ATP2A2: variants seen among roughly 807,000 people sequenced by gnomAD.
The protein encoded by ATP2A2 is sarcoplasmic/endoplasmic reticulum calcium ATPase 2.
ATP2A2 carries 14 observed loss-of-function variants against 109.3 expected under a neutral mutation model. The ratio of observed to expected loss-of-function variants is 0.13; its 90% CI spans 0.08 to 0.20. The LOEUF is 0.20. ATP2A2 is among the 10% of genes least tolerant of loss of function. The probability of loss-of-function intolerance (pLI) is 1.00; values close to 1 mark genes in which losing one functional copy is unlikely to be tolerated. For missense variants in ATP2A2, 657 were observed against 1,321.6 expected (o/e 0.50, Z 7.80); for synonymous variants, 506 against 490.9 (o/e 1.03, Z -0.41).
chr12:110,296,460 T>C (rs1413388574), intron 4 of ATP2A2, 139 bp from the exon 5 acceptor site: 5 of 1,095,192 alleles, frequency 4.6e-6, no homozygotes, highest in Non-Finnish European at 6.9e-6. Context: ...TTGCCTTAGA[T>C]GTGAATTGTT....
At position 110,348,956 on chromosome 12, in the gene ATP2A2, A is replaced by G; in HGVS notation, c.*2486A>G. On this transcript the variant is annotated 3_prime_UTR_variant, in exon 20 of 20. Coordinates refer to ENST00000539276, the MANE Select transcript of ATP2A2 (RefSeq NM_170665.4). ...AACAAAACTCAGCTTTTCCTGACTC[A>G]GTTCCTTGACTTAGTGGCCTTTACA... 1 of 985,452 alleles carries G rather than the reference A, an allele frequency of 1.0e-6. No individual in the cohort carries two copies. Among genetic ancestry groups the G allele is most frequent in the African/African-American group, 1.7e-5 (1 of 57,368 alleles). 61.0% of individuals were successfully genotyped at this position (985,452 alleles called of 1,614,324 possible).
chr12:110,334,335 A>G, intron 11 of ATP2A2, 192 bp downstream of exon 11: 1 of 742,830 alleles, frequency 1.3e-6, no homozygotes, highest in South Asian at 1.7e-5. Flanking sequence ...AATAAAAGCA[A>G]TCAATAGCTA....
intron 5 of ATP2A2, among the ~76,000 whole-genome samples, chr12:110,299,104 G>C (rs1000611115): frequency 6.6e-6 from 1 of 151,926 alleles, no homozygotes; most frequent in Admixed American, 6.6e-5. Flanking sequence ...TGAATAACTG[G>C]GATCACAGGC....
chr12:110,297,954 A>ATAGTC (rs1407175141), intron 5 of ATP2A2, among the ~76,000 whole-genome samples: 5 of 152,104 alleles, frequency 3.3e-5, no homozygotes, highest in Non-Finnish European at 7.4e-5. Flanking sequence ...ACCAACCAGG[A>ATAGTC]TAGTCTAGGT....
At chr12:110,292,171 T>C in intron 4 of ATP2A2, 47 bp downstream of exon 4, 1 of 1,279,708 alleles carries the variant, frequency 7.8e-7, no homozygotes, top group Non-Finnish European at 1.1e-6. Flanking sequence ...GTTATGTAAG[T>C]GATTAGGGCT....
chr12:110,333,292 C>T lies in ATP2A2; in HGVS notation c.1287+9C>T. ...CTTTGGATTACAATGAGGTAAGTCT[C>T]TTCATAAATTAGAAGGAATGGCTGT... On this transcript the variant is annotated intron_variant, in intron 10 of 19. Coordinates refer to ENST00000539276, the MANE Select transcript of ATP2A2 (RefSeq NM_170665.4). 2.5e-6 allele frequency: 4 copies of T among 1,598,698 alleles called. No individual in the cohort carries two copies. The highest frequency in any genetic ancestry group is 1.7e-4 in the Middle Eastern group (1 of 6,028).
At position 110,346,889 on chromosome 12, in the gene ATP2A2, C is replaced by G; in HGVS notation, c.*419C>G. On this transcript the variant is annotated 3_prime_UTR_variant, in exon 20 of 20. Transcript: ENST00000539276. The stretch of plus-strand genomic sequence containing the variant: ...TGTATTGTGTCTTTTGCATGATGAT[C>G]CGGATTTAATTTGATATCACAGTCT... 9.2e-7 allele frequency: 1 copy of G among 1,088,806 alleles called. No homozygotes were observed. Among genetic ancestry groups the G allele is most frequent in the Non-Finnish European group, 1.1e-6 (1 of 893,292 alleles). 67.4% of individuals were successfully genotyped at this position (1,088,806 alleles called of 1,614,324 possible). A position where few individuals can be genotyped will look rare whatever the true frequency, so the allele number is the denominator to read the frequency against.
chr12:110,326,531 A>G (rs144121819), intron 7 of ATP2A2, 56 bp downstream of exon 7: 4 of 1,478,062 alleles, frequency 2.7e-6, no homozygotes, highest in South Asian at 2.4e-5. Context: ...GCCTAATCAA[A>G]TGTTATGTTT....
intron 5 of ATP2A2, among the ~76,000 whole-genome samples, chr12:110,311,559 G>A (rs1269621403): frequency 2.4e-5 from 3 of 122,714 alleles, no homozygotes; most frequent in Non-Finnish European, 4.7e-5. Context: ...TCGCGCCACT[G>A]CACTCCAGCC....
At chr12:110,285,764 TC>T (rs1223562637) in intron 3 of ATP2A2, among the ~76,000 whole-genome samples, 6 of 152,282 alleles carry the variant, frequency 3.9e-5, no homozygotes, top group African/African-American at 1.4e-4. Flanking sequence ...TTCTCTACCT[TC>T]CACCGTCGTT....
rs1880193836 is a variant in ATP2A2 at position 110,349,424 on chromosome 12, CCTCT to C, written c.*2957_*2960del. 3 of 985,418 alleles carry C rather than the reference CCTCT, an allele frequency of 3.0e-6. No individual in the cohort carries two copies. The highest frequency in any genetic ancestry group is 1.7e-5 in the African/African-American group (1 of 57,250). The allele number at this position is 985,418 out of a possible 1,614,324, so 61.0% of individuals were successfully genotyped here. ...TGTTGCCACCCCGTGCCTCCCTTGG[CCTCT>C]CTGAGCTTTGCCCAGAAGACCAACA... On this transcript the variant is annotated 3_prime_UTR_variant, in exon 20 of 20. Transcript: ENST00000539276.
intron 5 of ATP2A2, among the ~76,000 whole-genome samples, chr12:110,310,424 C>G (rs1376917252): frequency 1.3e-5 from 2 of 152,212 alleles, no homozygotes; most frequent in Non-Finnish European, 2.9e-5. Flanking sequence ...CCATTCCCAG[C>G]TAGAAGTCTT....
intron 5 of ATP2A2, among the ~76,000 whole-genome samples, chr12:110,307,405 A>G (rs1875480036): frequency 6.6e-6 from 1 of 150,874 alleles, no homozygotes; most frequent in Middle Eastern, 3.2e-3. Context: ...CTCATTTTTA[A>G]ATTTTTTCGT....
chr12:110,342,585 CAG>C lies in ATP2A2; in HGVS notation c.2318+139_2318+140del. 1 of 1,039,164 alleles carries C rather than the reference CAG, an allele frequency of 9.6e-7. No homozygotes were observed. Among genetic ancestry groups the C allele is most frequent in the Admixed American group, 2.0e-5 (1 of 50,238 alleles). 64.4% of individuals were successfully genotyped at this position (1,039,164 alleles called of 1,614,324 possible). A position where few individuals can be genotyped will look rare whatever the true frequency, so the allele number is the denominator to read the frequency against. Reference sequence around the variant, plus strand: ...AGTTGGAAGAGGGGAGTGGGCAAGACAGAAATGCCTTATGGAAGCAGTGGTGC... The same window carrying C: ...AGTTGGAAGAGGGGAGTGGGCAAGACAAATGCCTTATGGAAGCAGTGGTGC... On this transcript the variant is annotated intron_variant, in intron 15 of 19. Transcript: ENST00000539276. This position sits in a 1 kb window ranked among gnomAD's most constrained non-coding sequence, Gnocchi z 4.6.
intron 8 of ATP2A2, chr12:110,330,914 T>G (rs1191487246): frequency 1.3e-5 from 2 of 152,214 alleles, no homozygotes; most frequent in Admixed American, 1.3e-4. Context: ...TGAATGTCTT[T>G]TAGAATATTT....
chr12:110,295,313 C>A (rs185660878), intron 4 of ATP2A2, among the ~76,000 whole-genome samples: 62 of 152,274 alleles, frequency 4.1e-4, no homozygotes, highest in African/African-American at 1.2e-3. Context: ...AGGTGTATGG[C>A]ACCATGTCAG....
At chr12:110,306,538 C>T (rs1592817584) in intron 5 of ATP2A2, among the ~76,000 whole-genome samples, 1 of 151,968 alleles carries the variant, frequency 6.6e-6, no homozygotes, top group East Asian at 1.9e-4. Flanking sequence ...TTGGAGTGCC[C>T]AGTGTTTATT....
rs1364248596 is a variant in ATP2A2, at chr12:110,343,272, A to G, written c.2359A>G (p.Ile787Val). ...TAALGFPEAL[I>V]PVQLLWVNLV... ...AGCCCTTGGATTTCCCGAGGCTTTG[A>G]TTCCTGTTCAGCTGCTCTGGGTCAA... is the stretch of plus-strand genomic sequence containing the variant. The change falls in exon 16 of 20, where the codon ATT (isoleucine) becomes GTT (valine). Residue 787 changes from isoleucine to valine, a missense_variant. Physicochemically the swap from Ile to Val is conservative, Grantham distance 29. Coordinates refer to ENST00000539276, the MANE Select transcript of ATP2A2 (RefSeq NM_170665.4). The G allele has an allele frequency of 6.2e-7, 1 of 1,614,090 alleles. No individual in the cohort carries two copies. The highest frequency in any genetic ancestry group is 8.5e-7 in the Non-Finnish European group (1 of 1,180,018).
intron 5 of ATP2A2, among the ~76,000 whole-genome samples, chr12:110,299,226 C>G (rs1411625824): frequency 2.0e-5 from 3 of 152,024 alleles, no homozygotes; most frequent in East Asian, 3.9e-4. Context: ...CTGCCTCAGC[C>G]TCCCAAAATG....
Sources: allele counts gnomAD v4.1 joint callset (sites outside exome capture counted in the v4.1 genomes callset), GRCh38; gene constraint gnomAD v4.1.1; non-coding constraint Gnocchi (gnomAD v3.1); transcripts MANE v1.5; gene names NCBI Gene and HGNC (gene_info 2026-07-23, HGNC 2026-07-21).